REEP1: variants seen among roughly 807,000 people sequenced by gnomAD.
REEP1 encodes receptor expression-enhancing protein 1.
In REEP1, 22 loss-of-function variants were observed where a neutral mutation model predicts 40.3. The observed-to-expected ratio is 0.55, with a 90% CI of 0.39 to 0.78. The LOEUF is 0.78. REEP1 is among the 30% of genes least tolerant of loss of function. REEP1 has a pLI of 0.00. For missense variants in REEP1, 280 were observed against 361.1 expected (o/e 0.78, Z 1.82); for synonymous variants, 116 against 139.2 (o/e 0.83, Z 1.17).
At chr2:86,226,050 G>A (rs1011841182) in intron 7 of REEP1, among the ~76,000 whole-genome samples, 2 of 147,668 alleles carry the variant, frequency 1.4e-5, no homozygotes, top group East Asian at 4.0e-4. Context: ...CACTCTCCCT[G>A]GGGTCTCCTG....
At chr2:86,298,506 C>T (rs1200977312) in intron 1 of REEP1, among the ~76,000 whole-genome samples, 1 of 152,206 alleles carries the variant, frequency 6.6e-6, no homozygotes, top group African/African-American at 2.4e-5. Context: ...ATGAAGAGAG[C>T]ACCGTGTCGA....
chr2:86,257,520 A>G lies in REEP1; in HGVS notation c.183-2706T>C, dbSNP rs1458660661. On this transcript the variant is annotated intron_variant, in intron 3 of 8. Coordinates refer to ENST00000538924, the MANE Select transcript of REEP1 (RefSeq NM_001371279.1). ...TGACTCCCTGAGTTGCCCCCAACACACAGAAGCATTCTATACACCCGTTAC... is the reference window on the plus strand; with the variant it reads ...TGACTCCCTGAGTTGCCCCCAACACGCAGAAGCATTCTATACACCCGTTAC... Among the ~76,000 whole-genome samples, 4 of 152,232 alleles carry G rather than the reference A, an allele frequency of 2.6e-5. No homozygotes were observed. In the East Asian group the frequency reaches 7.7e-4, roughly 29 times the overall value.
intron 1 of REEP1, among the ~76,000 whole-genome samples, chr2:86,329,325 G>A (rs757338175): frequency 6.6e-6 from 1 of 152,204 alleles, no homozygotes; most frequent in Non-Finnish European, 1.5e-5. Flanking sequence ...ATTTAGGGCC[G>A]CAGTTTCCAG....
At chr2:86,218,412 GA>G (rs1674242185) in intron 8 of REEP1, among the ~76,000 whole-genome samples, 1 of 152,184 alleles carries the variant, frequency 6.6e-6, no homozygotes, top group African/African-American at 2.4e-5. Flanking sequence ...GGCAGGAAGT[GA>G]ATGAGCCAGA....
chr2:86,284,391 C>G (rs143367326), intron 1 of REEP1, among the ~76,000 whole-genome samples: 2 of 152,342 alleles, frequency 1.3e-5, no homozygotes, highest in East Asian at 3.9e-4. Context: ...ATTCATAACA[C>G]ACCCCTGTGC....
intron 2 of REEP1, among the ~76,000 whole-genome samples, chr2:86,278,321 T>C (rs1377753904): frequency 2.0e-5 from 3 of 152,214 alleles, no homozygotes; most frequent in Non-Finnish European, 4.4e-5. Flanking sequence ...GTGAGCTGCA[T>C]TGGTGACCGT....
At chr2:86,270,352 A>G (rs1158646617) in intron 2 of REEP1, among the ~76,000 whole-genome samples, 2 of 152,110 alleles carry the variant, frequency 1.3e-5, no homozygotes, top group Non-Finnish European at 2.9e-5. Flanking sequence ...ATGCGCCACC[A>G]CGCCTGGCTA....
At chr2:86,251,034 T>G (rs1355688452) in intron 5 of REEP1, among the ~76,000 whole-genome samples, 1 of 152,146 alleles carries the variant, frequency 6.6e-6, no homozygotes, top group Non-Finnish European at 1.5e-5. Flanking sequence ...ACAAACTTCC[T>G]TATGCTAATA....
At chr2:86,333,462 TC>T (rs1167637830) in intron 1 of REEP1, among the ~76,000 whole-genome samples, 5 of 152,146 alleles carry the variant, frequency 3.3e-5, no homozygotes, top group African/African-American at 1.2e-4. Context: ...TAAAATGTTT[TC>T]TGCACAGCCA....
intron 5 of REEP1, among the ~76,000 whole-genome samples, chr2:86,246,725 GA>G (rs1675978683): frequency 7.2e-6 from 1 of 138,126 alleles, no homozygotes; most frequent in Non-Finnish European, 1.6e-5. Flanking sequence ...TTTTTTGACA[GA>G]GTTTCACTCT....
chr2:86,334,812 C>CG (rs1680937511), intron 1 of REEP1, among the ~76,000 whole-genome samples: 2 of 151,990 alleles, frequency 1.3e-5, no homozygotes, highest in Admixed American at 1.3e-4. Context: ...ATAGGGTTCC[C>CG]GGGGAGGACA....
chr2:86,261,408 T>C (rs1004012760), intron 3 of REEP1, among the ~76,000 whole-genome samples: 5 of 152,186 alleles, frequency 3.3e-5, no homozygotes, highest in Non-Finnish European at 5.9e-5. Context: ...TGCCTTGAGA[T>C]TCTGTTAATC....
At chr2:86,293,765 C>T (rs775582536) in intron 1 of REEP1, among the ~76,000 whole-genome samples, 7 of 152,142 alleles carry the variant, frequency 4.6e-5, no homozygotes, top group Non-Finnish European at 8.8e-5. Context: ...TGGTCTTATA[C>T]GTTTAGTTAC....
At chr2:86,309,510 G>A (rs369971532) in intron 1 of REEP1, among the ~76,000 whole-genome samples, 13 of 152,278 alleles carry the variant, frequency 8.5e-5, no homozygotes, top group African/African-American at 3.1e-4. Context: ...TCTTGAATTC[G>A]TCAGCTCAGG....
chr2:86,233,023 C>A (rs190308205), intron 5 of REEP1, among the ~76,000 whole-genome samples: 22 of 152,288 alleles, frequency 1.4e-4, no homozygotes, highest in Non-Finnish European at 2.2e-4. Flanking sequence ...TCCTTTGGCT[C>A]CAGGATCCCT....
chr2:86,238,135 C>T (rs1011129545), intron 5 of REEP1, among the ~76,000 whole-genome samples: 6 of 152,246 alleles, frequency 3.9e-5, no homozygotes, highest in African/African-American at 7.2e-5. Flanking sequence ...GAGCCGAGAT[C>T]GTGCCATTGC....
chr2:86,335,415 G>GGGCCA (rs1384069389), intron 1 of REEP1, among the ~76,000 whole-genome samples: 2 of 152,046 alleles, frequency 1.3e-5, no homozygotes, highest in Admixed American at 6.5e-5. Context: ...AACTCTCCTT[G>GGGCCA]GGCCACATAA....
rs1479463783 is a variant in REEP1, at chr2:86,263,798, A to T, written c.182+167T>A. Among the ~76,000 whole-genome samples the T allele has an allele frequency of 2.6e-5, 4 of 152,226 alleles. No individual in the cohort carries two copies. In the East Asian group the frequency reaches 5.8e-4, roughly 22 times the overall value. On this transcript the variant is annotated intron_variant, in intron 3 of 8. Transcript: ENST00000538924. ...TCATTCAATAAATATTTACTTGAAG[A>T]ACAACTTTGTGGACTAATCTATTAA...
At chr2:86,286,076 T>C (rs114414760) in intron 1 of REEP1, among the ~76,000 whole-genome samples, 3,480 of 152,128 alleles carry the variant, frequency 0.023, 134 homozygotes, top group African/African-American at 0.078. Flanking sequence ...CGACTCTGTG[T>C]AAAGGCTCCA....
Sources: allele counts gnomAD v4.1 joint callset (sites outside exome capture counted in the v4.1 genomes callset), GRCh38; gene constraint gnomAD v4.1.1; transcripts MANE v1.5; gene names NCBI Gene and HGNC (gene_info 2026-07-23, HGNC 2026-07-21).